Variants in NSG1 observed in about 807,000 individuals in gnomAD.
NSG1 encodes neuronal vesicle trafficking associated 1, also known as neuronal vesicle trafficking-associated protein 1.
In NSG1, 9 loss-of-function variants were observed where a neutral mutation model predicts 19.3. The ratio of observed to expected loss-of-function variants is 0.47; its 90% CI spans 0.28 to 0.81. The LOEUF (loss-of-function observed/expected upper bound fraction) is 0.81. NSG1 is among the 40% of genes least tolerant of loss of function. The pLI is 0.11. For missense variants in NSG1, 236 were observed against 242.4 expected, an observed-to-expected ratio of 0.97 and a Z score of 0.18; for synonymous variants, 104 against 107.0, an observed-to-expected ratio of 0.97 and a Z score of 0.17.
At chr4:4,405,448 C>T (rs1463778933) in intron 3 of NSG1, among the ~76,000 whole-genome samples, 1 of 152,204 alleles carries the variant, frequency 6.6e-6, no homozygotes, top group East Asian at 1.9e-4. Flanking sequence ...TCTTGTCCTT[C>T]TCCTGAGATG....
chr4:4,409,934 C>T (rs755370052), intron 4 of NSG1, among the ~76,000 whole-genome samples: 74 of 152,230 alleles, frequency 4.9e-4, no homozygotes, highest in Non-Finnish European at 8.7e-4. Flanking sequence ...CTCAGCAGTC[C>T]GGGGAAGGGC....
intron 3 of NSG1, among the ~76,000 whole-genome samples, chr4:4,401,553 T>G (rs1415681424): frequency 6.6e-6 from 1 of 152,054 alleles, no homozygotes; most frequent in Non-Finnish European, 1.5e-5. Flanking sequence ...CATGGACACC[T>G]CCTCCCAGAA....
In NSG1 at chr4:4,417,416, C is replaced by T. The variant is rs751035703; in HGVS notation, c.539C>T (p.Ala180Val). 91 of 1,614,174 alleles carry T rather than the reference C, an allele frequency of 5.6e-5. No homozygotes were observed. Among genetic ancestry groups the T allele is most frequent in the Admixed American group, 1.2e-4 (7 of 60,026 alleles). ...AAGCTGTCCGAGCAGGAGACTGAAGCGGCTGAGAAGTCAGCTTAGCGGGAT... is the reference window on the plus strand; with the variant it reads ...AAGCTGTCCGAGCAGGAGACTGAAGTGGCTGAGAAGTCAGCTTAGCGGGAT... ...EEKLSEQETE[A>V]AEKSA The change falls in exon 5 of 5, where the codon GCG becomes GTG. Residue 180 changes from alanine (A) to valine (V), a missense_variant. By Grantham distance (64) the Ala-to-Val change is moderately conservative. Transcript: ENST00000621129.
chr4:4,417,254 A>G lies in NSG1; in HGVS notation c.377A>G (p.Glu126Gly). The G allele has an allele frequency of 1.9e-6, 3 of 1,614,090 alleles. No homozygotes were observed. The highest frequency in any genetic ancestry group is 2.2e-5 in the East Asian group (1 of 44,888). ...FVLKNTQCIP[E>G]GLESYYAEQD... ...TTTCAGAACACCCAGTGCATCCCAG[A>G]AGGCTTGGAGAGCTACTACGCGGAG... The change falls in exon 5 of 5, where the codon GAA (glutamate) becomes GGA (glycine). Residue 126 changes from glutamate (E) to glycine (G), a missense_variant. Coordinates refer to ENST00000621129, the MANE Select transcript of NSG1 (RefSeq NM_014392.5).
intron 2 of NSG1, among the ~76,000 whole-genome samples, chr4:4,389,408 C>T (rs1295991732): frequency 3.9e-5 from 6 of 152,166 alleles, no homozygotes; most frequent in Non-Finnish European, 1.5e-5. Flanking sequence ...GACTTCCCGC[C>T]GGGACTGAGT....
chr4:4,417,410 C>T lies in NSG1; in HGVS notation c.533C>T (p.Thr178Ile). 6 of 1,614,230 alleles carry T rather than the reference C, an allele frequency of 3.7e-6. No individual in the cohort carries two copies. The highest frequency in any genetic ancestry group is 4.2e-6 in the Non-Finnish European group (5 of 1,180,048). The change falls in exon 5 of 5, where the codon ACT (threonine) becomes ATT (isoleucine). Residue 178 changes from threonine to isoleucine, a missense_variant. Transcript: ENST00000621129. Reference protein sequence around the residue: ...LSEEKLSEQETEAAEKSA With the variant: ...LSEEKLSEQEIEAAEKSA ...GAAGAGAAGCTGTCCGAGCAGGAGA[C>T]TGAAGCGGCTGAGAAGTCAGCTTAG...
At chr4:4,387,846 G>C (rs959536413) in intron 2 of NSG1, 88 bp downstream of exon 2, 1 of 1,118,692 alleles carries the variant, frequency 8.9e-7, no homozygotes, top group Non-Finnish European at 1.3e-6. Context: ...CGCCGCGTGC[G>C]CTGGGTACGC....
chr4:4,407,611 A>G (rs1723936928), intron 3 of NSG1, among the ~76,000 whole-genome samples: 1 of 152,142 alleles, frequency 6.6e-6, no homozygotes, highest in Non-Finnish European at 1.5e-5. Context: ...TCCTGTGGCC[A>G]GGGCTCCCTG....
chr4:4,392,707 G>A (rs1021007100), intron 3 of NSG1, among the ~76,000 whole-genome samples: 1 of 152,172 alleles, frequency 6.6e-6, no homozygotes, highest in Non-Finnish European at 1.5e-5. Flanking sequence ...CTGGTCCAGC[G>A]GGTCCCATGA....
intron 4 of NSG1, 107 bp from the exon 5 acceptor site, chr4:4,417,128 C>T: frequency 1.1e-6 from 1 of 906,254 alleles, no homozygotes; most frequent in Non-Finnish European, 1.8e-6. Flanking sequence ...TGTATCTATT[C>T]CTCCAAGCTC....
At chr4:4,404,268 T>C (rs986660635) in intron 3 of NSG1, among the ~76,000 whole-genome samples, 2 of 152,264 alleles carry the variant, frequency 1.3e-5, no homozygotes, top group African/African-American at 2.4e-5. Flanking sequence ...CTCCAGCTTC[T>C]GCCCAGCATG....
At chr4:4,399,641 T>C (rs1241189021) in intron 3 of NSG1, among the ~76,000 whole-genome samples, 5 of 152,244 alleles carry the variant, frequency 3.3e-5, no homozygotes, top group Non-Finnish European at 7.3e-5. Context: ...GAAGTATCAT[T>C]TATTTTTTCT....
intron 4 of NSG1, among the ~76,000 whole-genome samples, chr4:4,409,968 A>C (rs1724084291): frequency 6.6e-6 from 1 of 152,350 alleles, no homozygotes; most frequent in East Asian, 1.9e-4. Context: ...GGGCCCAGCC[A>C]GGGTCTGCCG....
intron 2 of NSG1, among the ~76,000 whole-genome samples, 176 bp from the exon 3 acceptor site, chr4:4,391,299 C>T (rs1048035035): frequency 1.2e-4 from 18 of 152,234 alleles, no homozygotes; most frequent in Non-Finnish European, 2.1e-4. Context: ...ATGAATGGGT[C>T]ATTTCTCTGA....
chr4:4,406,014 T>C (rs1723833548), intron 3 of NSG1, among the ~76,000 whole-genome samples: 1 of 152,194 alleles, frequency 6.6e-6, no homozygotes, highest in African/African-American at 2.4e-5. Flanking sequence ...ATGCCCCATC[T>C]CTTCAAGGAC....
chr4:4,395,694 G>A lies in NSG1; in HGVS notation c.246+4103G>A, dbSNP rs571973158. On this transcript the variant is annotated intron_variant, in intron 3 of 4. Transcript: ENST00000621129. ...GTGGTTGGGACAGAGCATCTTCCTC[G>A]TCCCACTAGTGACTGGACAGCTTCT... 5.9e-5 allele frequency among the ~76,000 whole-genome samples: 9 copies of A among 152,232 alleles called. No individual in the cohort carries two copies. The South Asian group carries it at 6.2e-4, about 11-fold the overall frequency.
At chr4:4,402,047 A>ATTTTTT (rs35299425) in intron 3 of NSG1, among the ~76,000 whole-genome samples, 1 of 122,328 alleles carries the variant, frequency 8.2e-6, no homozygotes, top group African/African-American at 3.1e-5. Context: ...TGCCCAGCTA[A>ATTTTTT]TTTTTTTTTT....
At chr4:4,394,813 C>G (rs1208064091) in intron 3 of NSG1, among the ~76,000 whole-genome samples, 2 of 152,216 alleles carry the variant, frequency 1.3e-5, no homozygotes, top group African/African-American at 2.4e-5. Context: ...TGGGTCTGCC[C>G]GTGGGTCCTT....
In NSG1 at chr4:4,418,893, T is replaced by C. The variant is rs1724748436; in HGVS notation, c.*1458T>C. On this transcript the variant is annotated 3_prime_UTR_variant, in exon 5 of 5. Transcript: ENST00000621129. ...AAATGACTCAAGAGCAATAAATCAGTGCCAAAGCTTCCCTGCGCATCTGAA... is the reference window on the plus strand; with the variant it reads ...AAATGACTCAAGAGCAATAAATCAGCGCCAAAGCTTCCCTGCGCATCTGAA... 6.6e-6 allele frequency: 1 copy of C among 152,264 alleles called. No homozygotes were observed. The highest frequency in any genetic ancestry group is 1.5e-5 in the Non-Finnish European group (1 of 68,056). The allele number at this position is 152,264 out of a possible 1,614,324, so 9.4% of individuals were successfully genotyped here. A position where few individuals can be genotyped will look rare whatever the true frequency, so the allele number is the denominator to read the frequency against.
Sources: gnomAD v4.1 joint callset for allele counts (sites outside exome capture counted in the v4.1 genomes callset) on GRCh38, gnomAD v4.1.1 for gene constraint, MANE v1.5 for transcripts, NCBI Gene and HGNC (gene_info 2026-07-23, HGNC 2026-07-21) for gene names.